The following POC1B variants were observed in gnomAD, a reference collection of about 807,000 sequenced individuals.
The protein encoded by POC1B is POC1 centriolar protein B.
POC1B carries 44 observed loss-of-function variants against 60.6 expected under a neutral mutation model. The observed-to-expected ratio is 0.73, with a 90% confidence interval of 0.57 to 0.93. The LOEUF (loss-of-function observed/expected upper bound fraction) is 0.93. POC1B is among the 40% of genes least tolerant of loss of function. The pLI, the probability that POC1B is intolerant of heterozygous loss-of-function variation, is 0.00. For synonymous variants in POC1B, 180 were observed against 198.9 expected, an observed-to-expected ratio of 0.90 and a Z score of 0.80; for missense variants, 555 against 572.3, an observed-to-expected ratio of 0.97 and a Z score of 0.31.
At chr12:89,417,967 C>T (rs1365156976), downstream of POC1B, among the ~76,000 whole-genome samples, 1 of 152,196 alleles carries the variant, frequency 6.6e-6, no homozygotes, top group Non-Finnish European at 1.5e-5. Flanking sequence ...ACAATATACG[C>T]TGTGTGCCTA....
intron 2 of POC1B, chr12:89,499,980 T>G (rs1302923913): frequency 1.3e-5 from 10 of 748,396 alleles, no homozygotes; most frequent in East Asian, 2.7e-5. Flanking sequence ...TTAAGGGTGT[T>G]GCTTGGCCGC....
chr12:89,499,406 T>C (rs900514706), intron 2 of POC1B, among the ~76,000 whole-genome samples: 1 of 152,172 alleles, frequency 6.6e-6, no homozygotes, highest in African/African-American at 2.4e-5. Context: ...CAATGCTCAC[T>C]ACCTGGGTGA....
chr12:89,524,399 C>G (rs767662952), intron 2 of POC1B: 1 of 1,614,010 alleles, frequency 6.2e-7, no homozygotes, highest in Non-Finnish European at 8.5e-7. Context: ...TTCTGGAGGT[C>G]TGAGAGCCTT....
chr12:89,497,931 A>G (rs939272249), intron 2 of POC1B, among the ~76,000 whole-genome samples: 2 of 152,158 alleles, frequency 1.3e-5, no homozygotes, highest in African/African-American at 4.8e-5. Context: ...AAACCCACAC[A>G]CACAAACACA....
intron 10 of POC1B, among the ~76,000 whole-genome samples, chr12:89,446,665 G>T (rs1181930466): frequency 6.6e-6 from 1 of 151,892 alleles, no homozygotes; most frequent in Non-Finnish European, 1.5e-5. Context: ...ACGAGTTAAT[G>T]GGTGCAGCAC....
intron 10 of POC1B, among the ~76,000 whole-genome samples, chr12:89,450,832 T>C (rs950840603): frequency 1.3e-5 from 2 of 152,218 alleles, no homozygotes; most frequent in Non-Finnish European, 2.9e-5. Flanking sequence ...TCTTATTATT[T>C]CTTTAGGATG....
At chr12:89,403,934 A>G in the POC1B span, among the ~76,000 whole-genome samples, 1 of 152,082 alleles carries the variant, frequency 6.6e-6, no homozygotes, top group Non-Finnish European at 1.5e-5. Flanking sequence ...GCAGTTCGAG[A>G]CCTGCCTGAC....
intron 1 of POC1B, 58 bp downstream of exon 1, chr12:89,525,823 C>T: frequency 2.9e-6 from 4 of 1,400,204 alleles, no homozygotes; most frequent in Non-Finnish European, 3.7e-6. Flanking sequence ...GACCTGGCCC[C>T]GCAGCCCGCG....
chr12:89,407,217 TTCTTTTTTTG>T, the POC1B span, among the ~76,000 whole-genome samples: 1 of 151,912 alleles, frequency 6.6e-6, no homozygotes, highest in East Asian at 1.9e-4. Flanking sequence ...TTTTTCTTTT[TTCTTTTTTTG>T]GGGGGTGTGT....
intron 9 of POC1B, among the ~76,000 whole-genome samples, chr12:89,464,211 C>T (rs1053483444): frequency 1.4e-4 from 22 of 151,994 alleles, no homozygotes; most frequent in African/African-American, 5.3e-4. Context: ...TGTAAATTTG[C>T]CTAAAGCTTT....
At chr12:89,425,426 TA>T (rs1880723242) in intron 10 of POC1B, 47 bp from the exon 11 acceptor site, 5 of 1,466,516 alleles carry the variant, frequency 3.4e-6, no homozygotes, top group Non-Finnish European at 3.7e-6. Context: ...TTCCAAACTT[TA>T]AAATGATATA....
intron 2 of POC1B, chr12:89,523,794 C>T: frequency 6.5e-7 from 1 of 1,535,122 alleles, no homozygotes; most frequent in Non-Finnish European, 8.7e-7. Flanking sequence ...TAACAGGACA[C>T]ACAACTGCTG....
At chr12:89,500,988 A>G (rs1869536651) in intron 2 of POC1B, 4 of 918,292 alleles carry the variant, frequency 4.4e-6, no homozygotes, top group Non-Finnish European at 7.0e-6. Context: ...TCCCGATGAT[A>G]TGAAGTTGAT....
At chr12:89,442,634 C>T (rs2120730039) in intron 10 of POC1B, among the ~76,000 whole-genome samples, 1 of 152,328 alleles carries the variant, frequency 6.6e-6, no homozygotes, top group African/African-American at 2.4e-5. Context: ...CAACCGGTAC[C>T]AGCCACTGCA....
intron 10 of POC1B, among the ~76,000 whole-genome samples, chr12:89,448,847 G>C (rs1169871793): frequency 2.6e-5 from 4 of 152,164 alleles, no homozygotes; most frequent in Non-Finnish European, 4.4e-5. Flanking sequence ...AAGGATTTAT[G>C]TACTTGGCAA....
At chr12:89,415,980 C>G (rs924801732), downstream of POC1B, among the ~76,000 whole-genome samples, 1 of 152,208 alleles carries the variant, frequency 6.6e-6, no homozygotes, top group Admixed American at 6.5e-5. Flanking sequence ...TTCCAGCCCA[C>G]CCGCCCTAGT....
intron 2 of POC1B, among the ~76,000 whole-genome samples, chr12:89,503,376 C>T (rs1009751638): frequency 6.6e-6 from 1 of 152,264 alleles, no homozygotes. Context: ...CTCGGCCTCC[C>T]GAGGTGCCGG....
chr12:89,426,897 A>T (rs1880789749), intron 10 of POC1B: 1 of 152,178 alleles, frequency 6.6e-6, no homozygotes, highest in African/African-American at 2.4e-5. Flanking sequence ...AAGAAATAAA[A>T]GATCTAAACA....
chr12:89,508,626 A>G lies in POC1B; in HGVS notation c.101-11284T>C, dbSNP rs181297514. ...CCTTTGGAATTAATTAGTAACTTGTAGCATAATATGGTTTGGCTGTGTCCC... is the reference window on the plus strand; with the variant it reads ...CCTTTGGAATTAATTAGTAACTTGTGGCATAATATGGTTTGGCTGTGTCCC... On this transcript the variant is annotated intron_variant, in intron 2 of 11. Coordinates refer to ENST00000313546, the MANE Select transcript of POC1B (RefSeq NM_172240.3). 2.6e-5 allele frequency among the ~76,000 whole-genome samples: 4 copies of G among 152,334 alleles called. No individual in the cohort carries two copies. In the East Asian group the frequency reaches 7.7e-4, roughly 29 times the overall value.
Sources: gnomAD v4.1 joint callset for allele counts (sites outside exome capture counted in the v4.1 genomes callset) on GRCh38, gnomAD v4.1.1 for gene constraint, MANE v1.5 for transcripts, NCBI Gene and HGNC (gene_info 2026-07-23, HGNC 2026-07-21) for gene names.